DPYS: variants seen among roughly 807,000 people sequenced by gnomAD.
The protein encoded by DPYS is dihydropyrimidinase.
DPYS carries 39 observed loss-of-function variants against 50.3 expected under a neutral mutation model. The ratio of observed to expected loss-of-function variants is 0.78; its 90% CI spans 0.60 to 1.01. DPYS has a LOEUF of 1.01. Among genes scored for constraint, DPYS ranks in the 50% least tolerant of loss-of-function variants. DPYS has a pLI of 0.00. For missense variants in DPYS, 659 were observed against 680.9 expected, an observed-to-expected ratio of 0.97 and a Z score of 0.36; for synonymous variants, 245 against 250.7, an observed-to-expected ratio of 0.98 and a Z score of 0.22.
At chr8:104,426,667 G>T (rs1394204778) in intron 6 of DPYS, among the ~76,000 whole-genome samples, 1 of 152,300 alleles carries the variant, frequency 6.6e-6, no homozygotes, top group East Asian at 1.9e-4. Flanking sequence ...TGGGTGAAAA[G>T]GGCATGACAC....
chr8:104,407,522 T>C lies in DPYS; in HGVS notation c.1236-14531A>G, dbSNP rs150678755. ...TTATACTCATTAGCAGAAACTTCTA[T>C]ACAAAACCTTTACCCAAAAATAGGC... is the stretch of plus-strand genomic sequence containing the variant. On this transcript the variant is annotated intron_variant, in intron 7 of 9. Coordinates refer to ENST00000351513, the MANE Select transcript of DPYS (RefSeq NM_001385.3). Among the ~76,000 whole-genome samples the C allele has an allele frequency of 2.1e-3, 300 of 143,858 alleles. 1 individual carries two copies. The highest frequency in any genetic ancestry group is 5.3e-3 in the African/African-American group (219 of 41,344). 94.4% of individuals were successfully genotyped at this position (143,858 alleles called of 152,430 possible). A position where few individuals can be genotyped will look rare whatever the true frequency, so the allele number is the denominator to read the frequency against.
At chr8:104,423,755 G>A (rs902477557) in intron 7 of DPYS, among the ~76,000 whole-genome samples, 1 of 152,078 alleles carries the variant, frequency 6.6e-6, no homozygotes, top group Admixed American at 6.5e-5. Flanking sequence ...TATGGAAATT[G>A]GAAACAAAAA....
Position 104,418,283 on chromosome 8 carries a change from A to C in DPYS, c.1235+5964T>G, listed in dbSNP as rs539278713. On this transcript the variant is annotated intron_variant, in intron 7 of 9. Coordinates refer to ENST00000351513, the MANE Select transcript of DPYS (RefSeq NM_001385.3). ...ATACTAACAAGACGGCTGGGCAATT[A>C]TTTTTGCTAAAACTGTTTAAGGAAA... Among the ~76,000 whole-genome samples, 403 of 152,200 alleles carry C rather than the reference A, an allele frequency of 2.6e-3. 1 individual carries two copies. Among genetic ancestry groups the C allele is most frequent in the African/African-American group, 9.4e-3 (389 of 41,530 alleles).
intron 7 of DPYS, among the ~76,000 whole-genome samples, chr8:104,402,030 A>T (rs1811831996): frequency 1.3e-5 from 2 of 152,218 alleles, no homozygotes; most frequent in Non-Finnish European, 2.9e-5. Context: ...GTTTATAAAA[A>T]TGCTCCCCAA....
At chr8:104,383,153 C>T (rs533962594) in intron 8 of DPYS, among the ~76,000 whole-genome samples, 4 of 152,320 alleles carry the variant, frequency 2.6e-5, no homozygotes, top group African/African-American at 9.6e-5. Context: ...AGCTTGCAGG[C>T]TCTGGGAGCA....
chr8:104,424,060 T>G, intron 7 of DPYS, 187 bp downstream of exon 7: 11 of 983,996 alleles, frequency 1.1e-5, no homozygotes, highest in Non-Finnish European at 1.3e-5. Flanking sequence ...ACATCCTCTA[T>G]GCCAAGAAAA....
rs953404885 is a variant in DPYS at position 104,437,119 on chromosome 8, C to T, written c.793+7129G>A. The stretch of plus-strand genomic sequence containing the variant: ...AGACATGGAGGATTATGATGGAGTC[C>T]CAGGAAAAGAAAACAGAGGACATGA... On this transcript the variant is annotated intron_variant, in intron 4 of 9. Coordinates refer to ENST00000351513, the MANE Select transcript of DPYS (RefSeq NM_001385.3). Among the ~76,000 whole-genome samples, 8 of 151,564 alleles carry T rather than the reference C, an allele frequency of 5.3e-5. No individual in the cohort carries two copies. In the East Asian group the frequency reaches 1.2e-3, roughly 22 times the overall value.
chr8:104,448,156 C>A (rs1351722495), intron 2 of DPYS, among the ~76,000 whole-genome samples: 1 of 137,994 alleles, frequency 7.2e-6, no homozygotes, highest in Non-Finnish European at 1.6e-5. Flanking sequence ...AACAATTGCT[C>A]TTTTTTTTTT....
chr8:104,405,652 T>C (rs1467854250), intron 7 of DPYS, among the ~76,000 whole-genome samples: 1 of 152,250 alleles, frequency 6.6e-6, no homozygotes, highest in Non-Finnish European at 1.5e-5. Context: ...AAAAGGTGTC[T>C]GCTTCTAGGA....
At chr8:104,405,575 A>G (rs1811968459) in intron 7 of DPYS, among the ~76,000 whole-genome samples, 2 of 152,224 alleles carry the variant, frequency 1.3e-5, no homozygotes, top group African/African-American at 4.8e-5. Flanking sequence ...GCTCTGTCAG[A>G]GCTAGAAGCT....
chr8:104,458,837 T>A (rs1814020538), intron 1 of DPYS, among the ~76,000 whole-genome samples: 1 of 152,216 alleles, frequency 6.6e-6, no homozygotes, highest in South Asian at 2.1e-4. Flanking sequence ...GAAGGCTGAA[T>A]GCTCAGTTTT....
At chr8:104,383,408 C>T (rs1811119304) in intron 8 of DPYS, among the ~76,000 whole-genome samples, 1 of 152,086 alleles carries the variant, frequency 6.6e-6, no homozygotes, top group African/African-American at 2.4e-5. Flanking sequence ...GACAGAGGGC[C>T]GGTGTGCTGC....
chr8:104,424,826 CTTTTT>C (rs11291771), intron 6 of DPYS, among the ~76,000 whole-genome samples: 1 of 135,804 alleles, frequency 7.4e-6, no homozygotes, highest in African/African-American at 2.8e-5. Flanking sequence ...GGTGACAACA[CTTTTT>C]TTTTTTTTTT....
chr8:104,454,255 G>A (rs200411664), intron 1 of DPYS, among the ~76,000 whole-genome samples: 4 of 152,068 alleles, frequency 2.6e-5, no homozygotes, highest in Non-Finnish European at 5.9e-5. Context: ...GCATGGTGGC[G>A]GGTGCCTATA....
intron 7 of DPYS, among the ~76,000 whole-genome samples, chr8:104,412,665 C>T (rs534875521): frequency 1.3e-5 from 2 of 152,174 alleles, no homozygotes; most frequent in Non-Finnish European, 2.9e-5. Context: ...GTTTCTGTGG[C>T]TCTGGTGTGG....
At chr8:104,446,164 T>A (rs2140713674) in intron 3 of DPYS, among the ~76,000 whole-genome samples, 3 of 152,332 alleles carry the variant, frequency 2.0e-5, no homozygotes, top group South Asian at 2.1e-4. Flanking sequence ...GATACCCAAT[T>A]TTCCATGATG....
intron 1 of DPYS, among the ~76,000 whole-genome samples, chr8:104,454,551 G>C (rs1000133040): frequency 6.6e-6 from 1 of 152,324 alleles, no homozygotes; most frequent in African/African-American, 2.4e-5. Flanking sequence ...CCACATCCAA[G>C]CCACTGTATG....
chr8:104,381,819 G>A (rs181371553), intron 8 of DPYS, among the ~76,000 whole-genome samples: 31 of 149,274 alleles, frequency 2.1e-4, no homozygotes, highest in Admixed American at 8.1e-4. Context: ...TGGATTCAGC[G>A]AGAGCTGTCA....
intron 7 of DPYS, among the ~76,000 whole-genome samples, chr8:104,395,044 G>A (rs550517757): frequency 6.6e-6 from 1 of 151,604 alleles, no homozygotes; most frequent in Admixed American, 6.6e-5. Flanking sequence ...GCCTAGGCTG[G>A]AAGTACAGTG....
Sources: allele counts gnomAD v4.1 joint callset (sites outside exome capture counted in the v4.1 genomes callset), GRCh38; gene constraint gnomAD v4.1.1; transcripts MANE v1.5; gene names NCBI Gene and HGNC (gene_info 2026-07-23, HGNC 2026-07-21).